TCF20: variants seen among roughly 807,000 people sequenced by gnomAD.
The protein encoded by TCF20 is SPRE-binding protein.
Under a neutral mutation model 148.6 loss-of-function variants are expected in TCF20, and 3 were observed. The ratio of observed to expected loss-of-function variants is 0.02; its 90% CI spans 0.01 to 0.05. The LOEUF is 0.05. TCF20 is among the 10% of genes least tolerant of loss of function. TCF20 has a pLI of 1.00. For missense variants in TCF20, 2,350 were observed against 2,429.3 expected (o/e 0.97, Z 0.69); for synonymous variants, 1,049 against 909.5 (o/e 1.15, Z -2.76).
chr22:42,162,623 T>C (rs1029859385), intron 5 of TCF20, among the ~76,000 whole-genome samples: 5 of 152,188 alleles, frequency 3.3e-5, no homozygotes, highest in Non-Finnish European at 5.9e-5. Context: ...GTGGCAGCCT[T>C]GCCCCTCCTT....
intron 2 of TCF20, among the ~76,000 whole-genome samples, chr22:42,187,281 C>T (rs1311437533): frequency 6.6e-6 from 1 of 152,166 alleles, no homozygotes; most frequent in Non-Finnish European, 1.5e-5. Flanking sequence ...TGAAAACACT[C>T]ACACAAACTT....
chr22:42,296,387 C>A (rs1209343629), intron 1 of TCF20, among the ~76,000 whole-genome samples: 2 of 152,252 alleles, frequency 1.3e-5, no homozygotes, highest in Non-Finnish European at 2.9e-5. Context: ...GCTTTGCAAA[C>A]CTGCAACGGC....
At chr22:42,242,206 A>AAAAAAAAAG (rs1924478568) in intron 1 of TCF20, among the ~76,000 whole-genome samples, 1 of 71,416 alleles carries the variant, frequency 1.4e-5, no homozygotes, top group African/African-American at 3.5e-5. Context: ...TCGCCTCAAA[A>AAAAAAAAAG]AAAAAAAAAA....
rs569550126 is a variant in TCF20, at chr22:42,328,689, G to A, written c.-37+14790C>T. On this transcript the variant is annotated intron_variant, in intron 1 of 1. Transcript: ENST00000515426. Reference sequence around the variant, plus strand: ...ACAGGGTTGTGGGTAGAGTCAAAGGGATCACACATGTGAAATGCTTAATCT... The same window carrying A: ...ACAGGGTTGTGGGTAGAGTCAAAGGAATCACACATGTGAAATGCTTAATCT... 3.3e-5 allele frequency among the ~76,000 whole-genome samples: 5 copies of A among 152,348 alleles called. No homozygotes were observed. In the South Asian group the frequency reaches 8.3e-4, roughly 25 times the overall value.
chr22:42,223,098 G>A (rs1445747476), intron 1 of TCF20, among the ~76,000 whole-genome samples: 4 of 152,182 alleles, frequency 2.6e-5, no homozygotes, highest in South Asian at 2.1e-4. Context: ...GCAGTGAGCC[G>A]AGGCTGCACG....
In TCF20 at chr22:42,212,248, G is replaced by A. The variant is rs771718874; in HGVS notation, c.3058C>T (p.Pro1020Ser). ...HDFAEKLKMS[P>S]GRSRGPGGDP... The stretch of plus-strand genomic sequence containing the variant: ...CCCCCTGGGCCTCTGCTCCGCCCAG[G>A]AGACATTTTCAATTTTTCTGCAAAG... The change falls in exon 2 of 6, where the codon CCT (proline) becomes TCT (serine). Residue 1020 changes from proline to serine, a missense_variant. This residue lies in a region of TCF20 where 1,641 missense variants were observed against 1,662.6 expected (regional missense o/e 0.99). Transcript: ENST00000677622. 1.1e-5 allele frequency: 18 copies of A among 1,614,058 alleles called. No homozygotes were observed. Among genetic ancestry groups the A allele is most frequent in the Admixed American group, 6.7e-5 (4 of 60,002 alleles).
intron 2 of TCF20, among the ~76,000 whole-genome samples, chr22:42,203,636 T>G (rs141773807): frequency 6.6e-6 from 1 of 152,228 alleles, no homozygotes; most frequent in African/African-American, 2.4e-5. Context: ...GTAAATTAGA[T>G]ACAAGTCTCT....
rs1569209765 is a variant in TCF20, at chr22:42,323,968, A to ATGGAGGTTATGGCGGTGGTGG, written c.-37+19510_-37+19511insCCACCACCGCCATAACCTCCA. On this transcript the variant is annotated intron_variant, in intron 1 of 1. Transcript: ENST00000515426. ...GATGGAGGTTATGGTGGTGGTGGTG[A>ATGGAGGTTATGGCGGTGGTGG]TGGTGGTGGTGGAGGTTATGGTGGT... Among the ~76,000 whole-genome samples, 22 of 4,714 alleles carry ATGGAGGTTATGGCGGTGGTGG rather than the reference A, an allele frequency of 4.7e-3. 2 individuals carry two copies. Among genetic ancestry groups the ATGGAGGTTATGGCGGTGGTGG allele is most frequent in the Admixed American group, 6.6e-3 (3 of 452 alleles). The allele number at this position is 4,714 out of a possible 152,430, so 3.1% of individuals were successfully genotyped here. A position where few individuals can be genotyped will look rare whatever the true frequency, so the allele number is the denominator to read the frequency against.
intron 1 of TCF20, among the ~76,000 whole-genome samples, chr22:42,330,931 C>A (rs1480734032): frequency 6.6e-6 from 1 of 152,222 alleles, no homozygotes. Flanking sequence ...AAGTCCCCCA[C>A]CCCTGAGTGG....
rs745360812 is a variant in TCF20, at chr22:42,212,145, G to C, written c.3161C>G (p.Pro1054Arg). The C allele has an allele frequency of 1.2e-6, 2 of 1,614,206 alleles. No individual in the cohort carries two copies. The highest frequency in any genetic ancestry group is 4.5e-5 in the East Asian group (2 of 44,882). ...AGCAGAGGCCAGGGTTTCTGAGTTG[G>C]GAGAAAAGGGAGTGTGTAAAGAACT... ...NRSSLHTPFS[P>R]NSETLASAYH... is the part of the protein sequence containing the mutation. The change falls in exon 2 of 6, where the codon CCC becomes CGC. Residue 1054 changes from proline (P) to arginine (R), a missense_variant. By Grantham distance (103) the Pro-to-Arg change is moderately radical. Coordinates refer to ENST00000677622, the MANE Select transcript of TCF20 (RefSeq NM_001378418.1).
chr22:42,248,603 T>C (rs975072869), intron 1 of TCF20, among the ~76,000 whole-genome samples: 12 of 152,210 alleles, frequency 7.9e-5, no homozygotes, highest in Non-Finnish European at 1.8e-4. Flanking sequence ...CTGCAATCAG[T>C]ACCAATCATA....
Position 42,267,764 on chromosome 22 carries a change from C to T in TCF20, c.-37+2575G>A, listed in dbSNP as rs148791610. Among the ~76,000 whole-genome samples the T allele has an allele frequency of 4.2e-3, 632 of 152,220 alleles. 2 individuals carry two copies. The highest frequency in any genetic ancestry group is 7.1e-3 in the Non-Finnish European group (484 of 68,004). On this transcript the variant is annotated intron_variant, in intron 1 of 5. Coordinates refer to ENST00000677622, the MANE Select transcript of TCF20 (RefSeq NM_001378418.1). ...CTGATGGTAACATACAAGAAAATTA[C>T]TACCAAACTGTCTCCGAAGTCAATA...
intron 1 of TCF20, among the ~76,000 whole-genome samples, chr22:42,244,610 C>T (rs560499371): frequency 1.3e-5 from 2 of 152,176 alleles, no homozygotes; most frequent in African/African-American, 2.4e-5. Context: ...GAAAGCAGAT[C>T]GGTGGTTGCA....
At chr22:42,300,403 A>C (rs1198024318) in intron 1 of TCF20, among the ~76,000 whole-genome samples, 3 of 152,146 alleles carry the variant, frequency 2.0e-5, no homozygotes, top group Non-Finnish European at 4.4e-5. Context: ...AAAAAAAAGA[A>C]AAAAAGCGCC....
intron 2 of TCF20, among the ~76,000 whole-genome samples, chr22:42,180,215 T>C (rs1216299966): frequency 6.6e-6 from 1 of 152,218 alleles, no homozygotes; most frequent in Non-Finnish European, 1.5e-5. Flanking sequence ...TTTTTATTTT[T>C]GATCTACTTA....
chr22:42,244,855 G>A (rs1474125282), intron 1 of TCF20, among the ~76,000 whole-genome samples: 3 of 152,118 alleles, frequency 2.0e-5, no homozygotes. Flanking sequence ...TGAGGCAGGA[G>A]GATCACTTGA....
intron 5 of TCF20, 82 bp from the exon 6 acceptor site, chr22:42,161,440 G>A: frequency 6.3e-7 from 1 of 1,599,742 alleles, no homozygotes; most frequent in Non-Finnish European, 8.6e-7. Flanking sequence ...TGGTACCCCT[G>A]GGAGCTTTCA....
chr22:42,268,962 G>A (rs1926440996), intron 1 of TCF20, among the ~76,000 whole-genome samples: 1 of 152,184 alleles, frequency 6.6e-6, no homozygotes, highest in Non-Finnish European at 1.5e-5. Context: ...CACAAAATGA[G>A]AGATAAAAAA....
At chr22:42,221,967 T>C (rs1922415206) in intron 1 of TCF20, among the ~76,000 whole-genome samples, 1 of 151,818 alleles carries the variant, frequency 6.6e-6, no homozygotes, top group Admixed American at 6.6e-5. Context: ...CTCGATCTCC[T>C]GACCTCATGA....
Sources: allele counts gnomAD v4.1 joint callset (sites outside exome capture counted in the v4.1 genomes callset), GRCh38; gene constraint gnomAD v4.1.1; regional missense constraint gnomAD v4.1.1; transcripts MANE v1.5; gene names NCBI Gene and HGNC (gene_info 2026-07-23, HGNC 2026-07-21).